Variants in KIF17 observed in about 807,000 individuals in gnomAD.
KIF17 encodes the protein kinesin-like protein KIF17.
KIF17 carries 80 observed loss-of-function variants against 96.8 expected under a neutral mutation model. That is an observed-to-expected ratio of 0.83 (90% CI 0.69 to 1.00). The LOEUF is 1.00. Among genes scored for constraint, KIF17 ranks in the 50% least tolerant of loss-of-function variants. The probability of loss-of-function intolerance (pLI) is 0.00; values close to 1 mark genes in which losing one functional copy is unlikely to be tolerated. For synonymous variants in KIF17, 567 were observed against 587.5 expected, an observed-to-expected ratio of 0.97 and a Z score of 0.51; for missense variants, 1,280 against 1,372.9, an observed-to-expected ratio of 0.93 and a Z score of 1.07.
At chr1:20,711,630 A>C (rs749117918) in intron 3 of KIF17, among the ~76,000 whole-genome samples, 1 of 152,190 alleles carries the variant, frequency 6.6e-6, no homozygotes, top group African/African-American at 2.4e-5. Flanking sequence ...CTCAGGCCTC[A>C]CCAGATCAGG....
intron 2 of KIF17, among the ~76,000 whole-genome samples, chr1:20,714,426 G>C (rs2154537967): frequency 6.6e-6 from 1 of 152,214 alleles, no homozygotes; most frequent in Admixed American, 6.5e-5. Flanking sequence ...GGAGGCAGAG[G>C]TTGCAGTGAG....
At chr1:20,661,745 G>C (rs1383512317), downstream of KIF17, among the ~76,000 whole-genome samples, 1 of 152,266 alleles carries the variant, frequency 6.6e-6, no homozygotes, top group Non-Finnish European at 1.5e-5. Flanking sequence ...TGACCGTCGC[G>C]TCCTGGACAG....
chr1:20,714,039 TTAGC>T (rs2054531634), intron 2 of KIF17, among the ~76,000 whole-genome samples: 1 of 151,672 alleles, frequency 6.6e-6, no homozygotes, highest in Non-Finnish European at 1.5e-5. Context: ...AATACAAAAA[TTAGC>T]TAGGCCAAGC....
At chr1:20,688,022 C>A in intron 7 of KIF17, 78 bp from the exon 8 acceptor site, 1 of 1,217,994 alleles carries the variant, frequency 8.2e-7, no homozygotes, top group Non-Finnish European at 1.2e-6. Context: ...GCTCCAAGCC[C>A]AGTGTGTTGT....
chr1:20,712,451 C>T (rs2154537701), intron 3 of KIF17, among the ~76,000 whole-genome samples: 1 of 148,894 alleles, frequency 6.7e-6, no homozygotes, highest in South Asian at 2.1e-4. Context: ...GTAGTCCCAG[C>T]TACCGGGGGC....
intron 11 of KIF17, among the ~76,000 whole-genome samples, chr1:20,673,570 G>A (rs573052927): frequency 6.9e-6 from 1 of 144,728 alleles, no homozygotes; most frequent in East Asian, 2.0e-4. Flanking sequence ...TCACTCTGTC[G>A]CCCAGGCTGG....
chr1:20,691,464 T>C (rs529884075), intron 6 of KIF17, among the ~76,000 whole-genome samples: 176 of 150,000 alleles, frequency 1.2e-3, no homozygotes, highest in African/African-American at 4.2e-3. Flanking sequence ...GCTTCTTTTT[T>C]TTTTTTGAGA....
chr1:20,702,395 G>A (rs2054253333), intron 5 of KIF17, among the ~76,000 whole-genome samples: 2 of 152,186 alleles, frequency 1.3e-5, no homozygotes, highest in Admixed American at 1.3e-4. Flanking sequence ...GTTAGCTGCT[G>A]GGTGCGGGGG....
chr1:20,690,152 C>T lies in KIF17; in HGVS notation c.1381+36G>A, dbSNP rs755004771. On this transcript the variant is annotated intron_variant, in intron 7 of 14. Coordinates refer to ENST00000400463, the MANE Select transcript of KIF17 (RefSeq NM_001122819.3). The stretch of plus-strand genomic sequence containing the variant: ...AGTGAGGCGGAAAGGAGGCCACCTT[C>T]CCTGGAGACAGCCTCGGGGGGCAAG... The T allele has an allele frequency of 8.1e-6, 13 of 1,613,046 alleles. No individual in the cohort carries two copies. The South Asian group carries it at 1.2e-4, about 15-fold the overall frequency.
chr1:20,673,638 G>A (rs1268630191), intron 11 of KIF17, among the ~76,000 whole-genome samples: 1 of 148,762 alleles, frequency 6.7e-6, no homozygotes, highest in African/African-American at 2.5e-5. Flanking sequence ...TTGAGCGATT[G>A]TTATGCCTCA....
intron 10 of KIF17, among the ~76,000 whole-genome samples, chr1:20,683,816 G>A (rs1355893576): frequency 6.6e-6 from 1 of 152,182 alleles, no homozygotes; most frequent in Non-Finnish European, 1.5e-5. Flanking sequence ...CAAATGCCCG[G>A]GCCGGGTCCC....
At chr1:20,666,484 C>T (rs923819654) in intron 13 of KIF17, among the ~76,000 whole-genome samples, 153 bp from the exon 14 acceptor site, 4 of 152,204 alleles carry the variant, frequency 2.6e-5, no homozygotes, top group Non-Finnish European at 5.9e-5. Flanking sequence ...CTCTGGTGTA[C>T]CCTACACCGT....
At position 20,685,011 on chromosome 1, in the gene KIF17, G is replaced by GA; in HGVS notation, c.2028dup (p.Leu677SerfsTer32). The GA allele has an allele frequency of 1.3e-6, 2 of 1,594,800 alleles. No homozygotes were observed. The highest frequency in any genetic ancestry group is 1.7e-6 in the Non-Finnish European group (2 of 1,170,606). ...ACCTCTAAGGCCACTTCCGAGGCCAGATCTACCTCCTGAGTGTGAAGAGAA... is the reference window on the plus strand; with the variant it reads ...ACCTCTAAGGCCACTTCCGAGGCCAGAATCTACCTCCTGAGTGTGAAGAGAA... On this transcript the variant is annotated frameshift_variant, in exon 10 of 15. Coordinates refer to ENST00000400463, the MANE Select transcript of KIF17 (RefSeq NM_001122819.3). LOFTEE classifies it high-confidence loss of function. This position sits in a 1 kb window ranked among gnomAD's most constrained non-coding sequence, Gnocchi z 4.1.
intron 11 of KIF17, among the ~76,000 whole-genome samples, chr1:20,679,277 C>T (rs2053789130): frequency 6.6e-6 from 1 of 151,996 alleles, no homozygotes; most frequent in African/African-American, 2.4e-5. Flanking sequence ...TTGAGACCAG[C>T]CTGGGTAACA....
intron 13 of KIF17, among the ~76,000 whole-genome samples, chr1:20,670,025 CG>C (rs2053613187): frequency 6.8e-6 from 1 of 147,174 alleles, no homozygotes; most frequent in Admixed American, 6.8e-5. Context: ...ATATGAGAGA[CG>C]GGAAAATAAA....
At chr1:20,668,259 G>A (rs1453822491) in intron 13 of KIF17, among the ~76,000 whole-genome samples, 1 of 151,620 alleles carries the variant, frequency 6.6e-6, no homozygotes, top group Admixed American at 6.6e-5. Context: ...GCCGTGAGCC[G>A]AGATTGCACC....
At chr1:20,689,672 A>T (rs958688414) in intron 7 of KIF17, among the ~76,000 whole-genome samples, 39 of 149,228 alleles carry the variant, frequency 2.6e-4, no homozygotes, top group South Asian at 8.5e-4. Context: ...ATTTTTTTTT[A>T]AAAAAAAAGA....
chr1:20,709,536 C>T lies in KIF17; in HGVS notation c.670+103G>A. 1 of 1,311,360 alleles carries T rather than the reference C, an allele frequency of 7.6e-7. No homozygotes were observed. The highest frequency in any genetic ancestry group is 1.2e-5 in the South Asian group (1 of 83,330). The allele number at this position is 1,311,360 out of a possible 1,614,324, so 81.2% of individuals were successfully genotyped here. On this transcript the variant is annotated intron_variant, in intron 4 of 14. Coordinates refer to ENST00000400463, the MANE Select transcript of KIF17 (RefSeq NM_001122819.3). This position sits in a 1 kb window ranked among gnomAD's most constrained non-coding sequence, Gnocchi z 4.7. ...CCTCCAGGCTGTTAGAGCATCTCTTCCCACTTTCCAGGGGCTCCTGCGGCC... is the reference window on the plus strand; with the variant it reads ...CCTCCAGGCTGTTAGAGCATCTCTTTCCACTTTCCAGGGGCTCCTGCGGCC...
At chr1:20,706,569 C>A (rs1186757616) in intron 4 of KIF17, among the ~76,000 whole-genome samples, 1 of 148,584 alleles carries the variant, frequency 6.7e-6, no homozygotes, top group African/African-American at 2.4e-5. Context: ...TCAGCCTGGG[C>A]GACAGAGCAA....
Sources: gnomAD v4.1 joint callset for allele counts (sites outside exome capture counted in the v4.1 genomes callset) on GRCh38, gnomAD v4.1.1 for gene constraint, Gnocchi (gnomAD v3.1) non-coding constraint, MANE v1.5 for transcripts, NCBI Gene and HGNC (gene_info 2026-07-23, HGNC 2026-07-21) for gene names.